Variants in TBRG4 observed in about 807,000 individuals in gnomAD.
TBRG4 encodes FAST kinase domain-containing protein 4.
Under a neutral mutation model 65.6 loss-of-function variants are expected in TBRG4, and 43 were observed. The ratio of observed to expected loss-of-function variants is 0.66; its 90% confidence interval spans 0.51 to 0.85. TBRG4 has a LOEUF of 0.85. Among genes scored for constraint, TBRG4 ranks in the 40% least tolerant of loss-of-function variants. TBRG4 has a pLI of 0.00. For synonymous variants in TBRG4, 366 were observed against 341.4 expected (o/e 1.07, Z -0.79); for missense variants, 709 against 787.9 (o/e 0.90, Z 1.20).
rs1172843338 is a variant in TBRG4 at position 45,109,259 on chromosome 7, ACAAGACT to A, written c.-29_-23del. On this transcript the variant is annotated 5_prime_UTR_variant, in exon 2 of 11. Coordinates refer to ENST00000258770, the MANE Select transcript of TBRG4 (RefSeq NM_004749.4). ...CCATGATGTCCTGGGTGGCAGAGAG[ACAAGACT>A]CCTAGCAAGTGATTCCAAACCCTGA... 1.4e-5 allele frequency: 22 copies of A among 1,550,912 alleles called. No individual in the cohort carries two copies. The Middle Eastern group carries it at 3.4e-3, about 239-fold the overall frequency.
rs1380963754 is a variant in TBRG4, at chr7:45,100,229, T to C, written c.*96A>G. The C allele has an allele frequency of 3.9e-5, 39 of 995,442 alleles. No homozygotes were observed. The East Asian group carries it at 9.9e-4, about 25-fold the overall frequency. The allele number at this position is 995,442 out of a possible 1,614,324, so 61.7% of individuals were successfully genotyped here. A position where few individuals can be genotyped will look rare whatever the true frequency, so the allele number is the denominator to read the frequency against. On this transcript the variant is annotated 3_prime_UTR_variant, in exon 11 of 11. Coordinates refer to ENST00000258770, the MANE Select transcript of TBRG4 (RefSeq NM_004749.4). ...GCCACCCTCCCCACTCTGGCCAAGG[T>C]CCTGCACAGAGGTTTGTCCTCAAGG... is the stretch of plus-strand genomic sequence containing the variant.
At chr7:45,106,086 T>G (rs765572185) in intron 2 of TBRG4, 6 of 590,976 alleles carry the variant, frequency 1.0e-5, no homozygotes, top group South Asian at 8.3e-5. Context: ...GGCACTGAAT[T>G]TGACATGGCT....
At chr7:45,101,767 A>G in intron 8 of TBRG4, 58 bp downstream of exon 8, 1 of 1,598,954 alleles carries the variant, frequency 6.3e-7, no homozygotes, top group East Asian at 2.2e-5. Context: ...GTGGGTTAGA[A>G]GAGTCCCGTT....
At position 45,105,548 on chromosome 7, in the gene TBRG4, G is replaced by T; in HGVS notation, c.628C>A (p.His210Asn). The T allele has an allele frequency of 1.9e-6, 3 of 1,614,176 alleles. No individual in the cohort carries two copies. The highest frequency in any genetic ancestry group is 2.5e-6 in the Non-Finnish European group (3 of 1,180,046). The change falls in exon 3 of 11, where the codon CAC becomes AAC. Residue 210 changes from histidine to asparagine, a missense_variant. Transcript: ENST00000258770. ...ATTTCTGTCCAACGCCTTTCCAGGT[G>T]TGTGAGCAGCTCAGCCAGCAGCTCC... The part of the protein sequence containing the change: ...SQELLAELLT[H>N]LERRWTEIED...
In TBRG4 at chr7:45,109,131, T is replaced by C. The variant is rs1324283776; in HGVS notation, c.107A>G (p.His36Arg). Residue 36 changes from histidine to arginine, a missense_variant, in exon 2 of 11, where the codon CAT becomes CGT. Transcript: ENST00000258770. ...GGTGGCTGAGGAAGTCAGAGTCTTA[T>C]GGGCTACCCAGGCAAGTCTCAGTCG... is the stretch of plus-strand genomic sequence containing the variant. ...VGRLRLAWVA[H>R]KTLTSSATSP... 3 of 1,614,078 alleles carry C rather than the reference T, an allele frequency of 1.9e-6. No homozygotes were observed. The highest frequency in any genetic ancestry group is 1.3e-5 in the African/African-American group (1 of 74,940).
At position 45,102,088 on chromosome 7, in the gene TBRG4, A is replaced by G; in HGVS notation, c.1322-18T>C. 6.4e-7 allele frequency: 1 copy of G among 1,565,490 alleles called. No individual in the cohort carries two copies. The highest frequency in any genetic ancestry group is 8.6e-7 in the Non-Finnish European group (1 of 1,162,702). ...CTTGCCCCCTAGGAGACAAGGAGAAAGAAGAGGGAGGTGGGCCTACGGCCA... is the reference window on the plus strand; with the variant it reads ...CTTGCCCCCTAGGAGACAAGGAGAAGGAAGAGGGAGGTGGGCCTACGGCCA... On this transcript the variant is annotated intron_variant, in intron 7 of 10. Transcript: ENST00000258770.
In TBRG4 at chr7:45,101,626, G is replaced by A. The variant is rs1284441682; in HGVS notation, c.1568-12C>T. ...CAGCACCTCAGCATCTGGGGAAGGG[G>A]TGTGGGATGAGAACATGTTGGGGGA... On this transcript the variant is annotated splice_polypyrimidine_tract_variant and intron_variant, in intron 8 of 10. Transcript: ENST00000258770. 1 of 1,612,216 alleles carries A rather than the reference G, an allele frequency of 6.2e-7. No homozygotes were observed. Among genetic ancestry groups the A allele is most frequent in the Non-Finnish European group, 8.5e-7 (1 of 1,179,330 alleles).
At position 45,111,445 on chromosome 7, in the gene TBRG4, T is replaced by C. The variant is rs931323364; in HGVS notation, c.-51+198A>G. 3.0e-5 allele frequency: 15 copies of C among 497,924 alleles called. No individual in the cohort carries two copies. In the Admixed American group the frequency reaches 4.6e-4, roughly 15 times the overall value. 30.8% of individuals were successfully genotyped at this position (497,924 alleles called of 1,614,324 possible). ...CAACAGGGGCGGCGTCTTCCAGGCCTGGCCGCGCGGGCTAGAGAGGAAGCG... is the reference window on the plus strand; with the variant it reads ...CAACAGGGGCGGCGTCTTCCAGGCCCGGCCGCGCGGGCTAGAGAGGAAGCG... On this transcript the variant is annotated intron_variant, in intron 1 of 10. Transcript: ENST00000258770.
rs776396924 is a variant in TBRG4 at position 45,105,735 on chromosome 7, C to T, written c.441G>A (p.Ser147=). The T allele has an allele frequency of 2.7e-5, 43 of 1,612,414 alleles. No individual in the cohort carries two copies. The East Asian group carries it at 7.1e-4, about 27-fold the overall frequency. ...GAGCATACAGGCTTCCCAGCAGCTT[C>T]GAGAGGGTACCATGCCAGACCGAGG... is the stretch of plus-strand genomic sequence containing the variant. ...QIASVWHGTL[S]KLLGSLYALG... is the part of the protein sequence containing the mutation. Residue 147 remains serine, a synonymous_variant, in exon 3 of 11, where the codon TCG becomes TCA. Transcript: ENST00000258770.
At chr7:45,103,883 A>C in intron 5 of TBRG4, 1 of 666,372 alleles carries the variant, frequency 1.5e-6, no homozygotes, top group Non-Finnish European at 2.5e-6. Context: ...GGAAGCACTT[A>C]TAATGGTCAG....
At chr7:45,103,125 C>A in intron 6 of TBRG4, 1 of 592,734 alleles carries the variant, frequency 1.7e-6, no homozygotes, top group Non-Finnish European at 3.0e-6. Flanking sequence ...CGCTGCCTGG[C>A]AGGGCAGTCA....
chr7:45,104,656 C>G lies in TBRG4; in HGVS notation c.789G>C (p.Val263=), dbSNP rs1411421464. 2.5e-6 allele frequency: 4 copies of G among 1,613,968 alleles called. No homozygotes were observed. Among genetic ancestry groups the G allele is most frequent in the Non-Finnish European group, 3.4e-6 (4 of 1,180,042 alleles). ...ACCGCCGGCTCTGAGCTGCCAGCAT[C>G]ACCAGCACCTTCCGCAGCTCATTGG... is the stretch of plus-strand genomic sequence containing the variant. ...FGPNELRKVL[V]MLAAQSRRSV... Residue 263 remains valine (V), a synonymous_variant, in exon 4 of 11, where the codon GTG becomes GTC. Coordinates refer to ENST00000258770, the MANE Select transcript of TBRG4 (RefSeq NM_004749.4).
intron 6 of TBRG4, chr7:45,103,080 G>C: frequency 1.8e-6 from 1 of 541,606 alleles, no homozygotes; most frequent in Non-Finnish European, 3.3e-6. Context: ...CATCAACAGG[G>C]CATTAAAAGG....
intron 3 of TBRG4, chr7:45,105,018 G>A (rs775968394): frequency 6.3e-5 from 46 of 726,592 alleles, no homozygotes; most frequent in Middle Eastern, 2.3e-4. Flanking sequence ...TGACAGAAAC[G>A]GGCACTGAAT....
chr7:45,101,754 G>T (rs1217632787), intron 8 of TBRG4, 71 bp downstream of exon 8: 1 of 1,598,152 alleles, frequency 6.3e-7, no homozygotes, highest in East Asian at 2.2e-5. Context: ...TGCTGCAGAC[G>T]GGGTGGGTTA....
rs760645047 is a variant in TBRG4 at position 45,104,617 on chromosome 7, C to T, written c.828G>A (p.Leu276=). Residue 276 remains leucine (L), a synonymous_variant, in exon 4 of 11, where the codon CTG becomes CTA. Transcript: ENST00000258770. ...AAQSRRSVPL[L]RAISYHLVQK... is the part of the protein sequence containing the mutation. ...GCACCAGGTGGTAGGAGATGGCCCGCAGCAAGGGCACGGACCGCCGGCTCT... is the reference window on the plus strand; with the variant it reads ...GCACCAGGTGGTAGGAGATGGCCCGTAGCAAGGGCACGGACCGCCGGCTCT... 1 of 1,613,942 alleles carries T rather than the reference C, an allele frequency of 6.2e-7. No homozygotes were observed. Among genetic ancestry groups the T allele is most frequent in the Non-Finnish European group, 8.5e-7 (1 of 1,180,042 alleles).
chr7:45,104,209 C>T lies in TBRG4; in HGVS notation c.955G>A (p.Asp319Asn), dbSNP rs149976562. ...AGGCTGGGCATGAGGGATAGCAGGT[C>T]GGTGGCCAGGCGCTGGGACACCTGG... ...QTQVSQRLAT[D>N]LLSLMPSLTS... is the part of the protein sequence containing the mutation. The change falls in exon 5 of 11, where the codon GAC becomes AAC. Residue 319 changes from aspartate to asparagine, a missense_variant. By Grantham distance (23) the Asp-to-Asn change is conservative. Transcript: ENST00000258770. 3.1e-5 allele frequency: 50 copies of T among 1,614,014 alleles called. No homozygotes were observed. Among genetic ancestry groups the T allele is most frequent in the Admixed American group, 6.7e-5 (4 of 60,012 alleles).
intron 1 of TBRG4, chr7:45,110,894 AAG>A (rs1003265349): frequency 2.0e-5 from 3 of 152,248 alleles, no homozygotes; most frequent in East Asian, 3.9e-4. Context: ...GAAAAAAAAA[AAG>A]AGAGAGAGAT....
rs1317427023 is a variant in TBRG4, at chr7:45,100,141, G to A, written c.*184C>T. 5.3e-6 allele frequency: 3 copies of A among 562,692 alleles called. No homozygotes were observed. The highest frequency in any genetic ancestry group is 9.4e-6 in the Non-Finnish European group (3 of 318,358). The allele number at this position is 562,692 out of a possible 1,614,324, so 34.9% of individuals were successfully genotyped here. ...GACCAAGCCTGGGAAGGCCCCAGGG[G>A]TCCAACACCAAAATTAAAGGTTTAT... On this transcript the variant is annotated 3_prime_UTR_variant, in exon 11 of 11. Transcript: ENST00000258770.
Sources: gnomAD v4.1 joint callset for allele counts on GRCh38, gnomAD v4.1.1 for gene constraint, MANE v1.5 for transcripts, NCBI Gene and HGNC (gene_info 2026-07-23, HGNC 2026-07-21) for gene names.